The following ZNF385D variants were observed in gnomAD, a reference collection of about 807,000 sequenced individuals.
The protein encoded by ZNF385D is zinc finger protein 385D.
ZNF385D carries 15 observed loss-of-function variants against 35.8 expected under a neutral mutation model. The ratio of observed to expected loss-of-function variants is 0.42; its 90% CI spans 0.28 to 0.64. The LOEUF (loss-of-function observed/expected upper bound fraction) is 0.64. ZNF385D is among the 30% of genes least tolerant of loss of function. The pLI is 0.23. For missense variants in ZNF385D, 474 were observed against 494.6 expected (o/e 0.96, Z 0.39); for synonymous variants, 212 against 186.8 (o/e 1.13, Z -1.10).
intron 3 of ZNF385D, among the ~76,000 whole-genome samples, chr3:21,547,328 C>G (rs1468787370): frequency 1.3e-5 from 2 of 152,144 alleles, no homozygotes; most frequent in African/African-American, 4.8e-5. Context: ...CCTGTGCAAA[C>G]TGGTAAAAGG....
chr3:22,320,231 G>A (rs2125443599), intron 2 of ZNF385D, among the ~76,000 whole-genome samples: 1 of 152,044 alleles, frequency 6.6e-6, no homozygotes, highest in Admixed American at 6.5e-5. Context: ...AGGTCATTGA[G>A]GTTTATCTGA....
intron 3 of ZNF385D, among the ~76,000 whole-genome samples, chr3:22,154,295 A>C (rs958735201): frequency 6.6e-5 from 10 of 152,124 alleles, no homozygotes; most frequent in African/African-American, 2.2e-4. Flanking sequence ...GTATTGATTC[A>C]TGTTGATGCT....
intron 4 of ZNF385D, among the ~76,000 whole-genome samples, chr3:21,466,771 C>T (rs1182735411): frequency 6.6e-6 from 1 of 152,174 alleles, no homozygotes; most frequent in Admixed American, 6.5e-5. Context: ...ACGCTCTTCT[C>T]CTCCCTGCCT....
At position 21,928,721 on chromosome 3, in the gene ZNF385D, C is replaced by A. The variant is rs551250407; in HGVS notation, c.325+240096G>T. Among the ~76,000 whole-genome samples the A allele has an allele frequency of 3.3e-5, 5 of 152,216 alleles. No individual in the cohort carries two copies. The South Asian group carries it at 1.0e-3, about 32-fold the overall frequency. On this transcript the variant is annotated intron_variant, in intron 3 of 5. Transcript: ENST00000494108. Reference sequence around the variant, plus strand: ...AAACGTTATAACAGTATTATGCCAACACCTAGACATTTAGATAAAATGGAC... The same window carrying A: ...AAACGTTATAACAGTATTATGCCAAAACCTAGACATTTAGATAAAATGGAC...
At chr3:22,198,115 C>T (rs568869640) in intron 2 of ZNF385D, among the ~76,000 whole-genome samples, 12 of 151,916 alleles carry the variant, frequency 7.9e-5, no homozygotes, top group Non-Finnish European at 1.6e-4. Flanking sequence ...AAATGGAGAA[C>T]AGACACAGAA....
At chr3:21,909,022 G>A (rs1433737045) in intron 3 of ZNF385D, among the ~76,000 whole-genome samples, 1 of 151,978 alleles carries the variant, frequency 6.6e-6, no homozygotes, top group Admixed American at 6.6e-5. Context: ...AAACAAAGCA[G>A]AAGTACAGTT....
intron 2 of ZNF385D, among the ~76,000 whole-genome samples, chr3:22,194,664 G>C (rs544364192): frequency 1.3e-5 from 2 of 151,706 alleles, no homozygotes; most frequent in Non-Finnish European, 2.9e-5. Flanking sequence ...TTCATTTGTA[G>C]GCATACCCTT....
intron 3 of ZNF385D, among the ~76,000 whole-genome samples, chr3:22,147,274 C>G (rs564999452): frequency 9.2e-5 from 14 of 152,278 alleles, no homozygotes; most frequent in Admixed American, 3.3e-4. Context: ...ATAACCATGT[C>G]TCTCCTACTT....
intron 2 of ZNF385D, among the ~76,000 whole-genome samples, chr3:21,583,899 A>G (rs2063735737): frequency 6.7e-6 from 1 of 150,292 alleles, no homozygotes; most frequent in African/African-American, 2.4e-5. Flanking sequence ...TTTCTTCTTC[A>G]GTTTCCAATT....
chr3:22,044,350 G>T (rs757027060), intron 3 of ZNF385D, among the ~76,000 whole-genome samples: 1 of 152,008 alleles, frequency 6.6e-6, no homozygotes, highest in Non-Finnish European at 1.5e-5. Flanking sequence ...GTCCTAAAAT[G>T]GCTGCTTGAT....
chr3:21,435,002 A>C (rs1341214305), intron 5 of ZNF385D, among the ~76,000 whole-genome samples: 7 of 152,116 alleles, frequency 4.6e-5, no homozygotes, highest in Non-Finnish European at 2.9e-5. Context: ...CTGCCTGCAA[A>C]ACACTGAAGT....
intron 1 of ZNF385D, among the ~76,000 whole-genome samples, chr3:21,707,596 T>A (rs566002821): frequency 6.6e-6 from 1 of 152,090 alleles, no homozygotes; most frequent in Admixed American, 6.6e-5. Context: ...GGAGAAAAAA[T>A]GTTGCAGATT....
chr3:21,930,483 G>A (rs1016254405), intron 3 of ZNF385D, among the ~76,000 whole-genome samples: 8 of 152,056 alleles, frequency 5.3e-5, no homozygotes, highest in African/African-American at 9.7e-5. Context: ...AAAGGAAGCC[G>A]TCAAGAAAGT....
intron 2 of ZNF385D, among the ~76,000 whole-genome samples, chr3:21,664,663 T>C (rs570914119): frequency 7.2e-5 from 11 of 152,322 alleles, no homozygotes; most frequent in Non-Finnish European, 2.9e-5. Flanking sequence ...CATCAACTCA[T>C]GATCAACCGA....
chr3:21,515,935 A>G (rs970628204), intron 3 of ZNF385D, among the ~76,000 whole-genome samples: 3 of 152,190 alleles, frequency 2.0e-5, no homozygotes, highest in African/African-American at 7.2e-5. Context: ...AGATAACATC[A>G]CTATTGTAGA....
At chr3:22,164,976 G>T (rs575049018) in intron 3 of ZNF385D, among the ~76,000 whole-genome samples, 1 of 152,110 alleles carries the variant, frequency 6.6e-6, no homozygotes, top group African/African-American at 2.4e-5. Context: ...AAAACCATGG[G>T]GACCATAAAA....
intron 1 of ZNF385D, among the ~76,000 whole-genome samples, chr3:21,715,995 T>C (rs968012303): frequency 6.6e-6 from 1 of 152,156 alleles, no homozygotes; most frequent in Admixed American, 6.5e-5. Flanking sequence ...GGCAGCTTCA[T>C]CTATCTAGTT....
chr3:22,089,190 G>A (rs1044764269), intron 3 of ZNF385D, among the ~76,000 whole-genome samples: 1 of 152,102 alleles, frequency 6.6e-6, no homozygotes, highest in South Asian at 2.1e-4. Flanking sequence ...AAAACTGTCT[G>A]TAAACTGTTT....
intron 3 of ZNF385D, among the ~76,000 whole-genome samples, chr3:22,121,671 ATT>A (rs59348757): frequency 7.7e-4 from 112 of 144,896 alleles, no homozygotes; most frequent in African/African-American, 9.4e-4. Flanking sequence ...GAATGATGTG[ATT>A]TTTTTTTTTT....
Sources: gnomAD v4.1 joint callset for allele counts (sites outside exome capture counted in the v4.1 genomes callset) on GRCh38, gnomAD v4.1.1 for gene constraint, MANE v1.5 for transcripts, NCBI Gene and HGNC (gene_info 2026-07-23, HGNC 2026-07-21) for gene names.